Variants in FOXI3 observed in about 807,000 individuals in gnomAD.
The protein encoded by FOXI3 is forkhead box I3.
Under a neutral mutation model 15.6 loss-of-function variants are expected in FOXI3, and 4 were observed. The observed-to-expected ratio is 0.26, with a 90% CI of 0.13 to 0.59. FOXI3 has a LOEUF of 0.59. FOXI3 is among the 20% of genes least tolerant of loss of function. The pLI is 0.90. For missense variants in FOXI3, 489 were observed against 548.2 expected (o/e 0.89, Z 1.08); for synonymous variants, 238 against 244.4 (o/e 0.97, Z 0.25).
chr2:88,452,569 G>A lies in FOXI3; in HGVS notation c.-34C>T. The A allele has an allele frequency of 9.4e-7, 1 of 1,063,892 alleles. No individual in the cohort carries two copies. Among genetic ancestry groups the A allele is most frequent in the Non-Finnish European group, 1.1e-6 (1 of 880,078 alleles). 65.9% of individuals were successfully genotyped at this position (1,063,892 alleles called of 1,614,324 possible). The stretch of plus-strand genomic sequence containing the variant: ...CCGTGGGCGGCTGCGGCGCGGCCGC[G>A]GCGAGGGGCGAGCGGGGCTGGTCTC... On this transcript the variant is annotated 5_prime_UTR_variant, in exon 1 of 2. Coordinates refer to ENST00000428390, the MANE Select transcript of FOXI3 (RefSeq NM_001135649.3).
intron 1 of FOXI3, among the ~76,000 whole-genome samples, chr2:88,449,423 C>A (rs540655416): frequency 1.3e-5 from 2 of 152,304 alleles, no homozygotes; most frequent in South Asian, 2.1e-4. Context: ...AAATGCCCCA[C>A]CAGACAAAGG....
Position 88,452,376 on chromosome 2 carries a change from G to A in FOXI3, c.160C>T (p.Leu54=), listed in dbSNP as rs2104264590. 3 of 988,942 alleles carry A rather than the reference G, an allele frequency of 3.0e-6. No homozygotes were observed. The highest frequency in any genetic ancestry group is 3.6e-6 in the Non-Finnish European group (3 of 833,968). The allele number at this position is 988,942 out of a possible 1,614,324, so 61.3% of individuals were successfully genotyped here. ...APPAAAANPY[L]WLNGPGVGGP... Reference sequence around the variant, plus strand: ...CCCACGCCGGGCCCGTTGAGCCACAGGTAGGGGTTGGCGGCGGCGGCCGGC... The same window carrying A: ...CCCACGCCGGGCCCGTTGAGCCACAAGTAGGGGTTGGCGGCGGCGGCCGGC... The change falls in exon 1 of 2, where the codon CTG becomes TTG. Residue 54 remains leucine (L), a synonymous_variant. Transcript: ENST00000428390.
intron 1 of FOXI3, 120 bp downstream of exon 1, chr2:88,451,776 C>A (rs1276232255): frequency 6.9e-7 from 1 of 1,448,302 alleles, no homozygotes; most frequent in Admixed American, 2.2e-5. Context: ...TCCGCTCCCA[C>A]CCGCAGCCTG....
rs1378543440 is a variant in FOXI3 at position 88,452,513 on chromosome 2, T to G, written c.23A>C (p.Asn8Thr). 9.3e-7 allele frequency: 1 copy of G among 1,080,480 alleles called. No homozygotes were observed. Among genetic ancestry groups the G allele is most frequent in the Non-Finnish European group, 1.1e-6 (1 of 892,132 alleles). 66.9% of individuals were successfully genotyped at this position (1,080,480 alleles called of 1,614,324 possible). ...GCCGGGCTGCGAATACACTCCGAAG[T>G]TGTCGCCGCAGTAGAGGGCCATGTC... MALYCGD[N>T]FGVYSQPGLP... is the part of the protein sequence containing the mutation. Residue 8 changes from asparagine (N) to threonine (T), a missense_variant, in exon 1 of 2, where the codon AAC becomes ACC. Asn to Thr is a moderately conservative substitution (Grantham distance 65). Coordinates refer to ENST00000428390, the MANE Select transcript of FOXI3 (RefSeq NM_001135649.3).
At chr2:88,449,778 G>A (rs1426673375) in intron 1 of FOXI3, among the ~76,000 whole-genome samples, 1 of 152,130 alleles carries the variant, frequency 6.6e-6, no homozygotes, top group Non-Finnish European at 1.5e-5. Context: ...CTTGTGGTAA[G>A]TGCTTTACAC....
chr2:88,448,115 G>T lies in FOXI3; in HGVS notation c.*92C>A. On this transcript the variant is annotated 3_prime_UTR_variant, in exon 2 of 2. Coordinates refer to ENST00000428390, the MANE Select transcript of FOXI3 (RefSeq NM_001135649.3). Reference sequence around the variant, plus strand: ...GAACTCGACAGAAACGCAGAACTCAGGTCCTACCCCAGACCTACTGACTTG... The same window carrying T: ...GAACTCGACAGAAACGCAGAACTCATGTCCTACCCCAGACCTACTGACTTG... 8.4e-7 allele frequency: 1 copy of T among 1,188,094 alleles called. No individual in the cohort carries two copies. The highest frequency in any genetic ancestry group is 1.2e-6 in the Non-Finnish European group (1 of 852,394). The allele number at this position is 1,188,094 out of a possible 1,614,324, so 73.6% of individuals were successfully genotyped here.
At chr2:88,448,899 G>A in intron 1 of FOXI3, 70 bp from the exon 2 acceptor site, 2 of 1,459,896 alleles carry the variant, frequency 1.4e-6, no homozygotes, top group Non-Finnish European at 1.8e-6. Context: ...TTCATTTCTG[G>A]GAGGAGAGCA....
In FOXI3 at chr2:88,452,383, G is replaced by A. The variant is rs1260175299; in HGVS notation, c.153C>T (p.Asn51=). Residue 51 remains asparagine (N), a synonymous_variant, in exon 1 of 2, where the codon AAC becomes AAT. Transcript: ENST00000428390. ...DYAAPPAAAA[N]PYLWLNGPGV... ...CGGGCCCGTTGAGCCACAGGTAGGG[G>A]TTGGCGGCGGCGGCCGGCGGCGCGG... 3 of 990,230 alleles carry A rather than the reference G, an allele frequency of 3.0e-6. No individual in the cohort carries two copies. Among genetic ancestry groups the A allele is most frequent in the Non-Finnish European group, 3.6e-6 (3 of 834,856 alleles). 61.3% of individuals were successfully genotyped at this position (990,230 alleles called of 1,614,324 possible).
chr2:88,451,850 C>A, intron 1 of FOXI3, 46 bp downstream of exon 1: 1 of 1,583,082 alleles, frequency 6.3e-7, no homozygotes, highest in Non-Finnish European at 8.6e-7. Context: ...CCTTGCGACC[C>A]GCGTCCGCCC....
chr2:88,448,525 G>T lies in FOXI3; in HGVS notation c.945C>A (p.Phe315Leu). 6.4e-7 allele frequency: 1 copy of T among 1,551,688 alleles called. No homozygotes were observed. Among genetic ancestry groups the T allele is most frequent in the Non-Finnish European group, 8.7e-7 (1 of 1,146,998 alleles). ...MLTSTPCLNT[F>L]FSSLSSLSVS... ...CACTCAAGGAGCTGAGGCTGCTGAA[G>T]AAAGTGTTGAGACAAGGGGTGGAGG... Residue 315 changes from phenylalanine to leucine, a missense_variant, in exon 2 of 2, where the codon TTC becomes TTA. Physicochemically the swap from Phe to Leu is conservative, Grantham distance 22. Transcript: ENST00000428390.
intron 1 of FOXI3, among the ~76,000 whole-genome samples, chr2:88,450,478 C>T (rs1425431198): frequency 1.3e-5 from 2 of 151,540 alleles, no homozygotes; most frequent in African/African-American, 2.4e-5. Flanking sequence ...GCTAAGCCGC[C>T]TCCACTTGAA....
Position 88,448,730 on chromosome 2 carries a change from C to G in FOXI3, c.740G>C (p.Gly247Ala), listed in dbSNP as rs1326862853. The G allele has an allele frequency of 1.3e-6, 2 of 1,551,834 alleles. No individual in the cohort carries two copies. Among genetic ancestry groups the G allele is most frequent in the African/African-American group, 1.4e-5 (1 of 73,052 alleles). The change falls in exon 2 of 2, where the codon GGC becomes GCC. Residue 247 changes from glycine (G) to alanine (A), a missense_variant. This residue lies in a region of FOXI3 where 263 missense variants were observed against 285.5 expected (regional missense o/e 0.92). Transcript: ENST00000428390. Reference protein sequence around the residue: ...KRKRRSEASNGSTVAAGTSKS... With the variant: ...KRKRRSEASNASTVAAGTSKS... Reference sequence around the variant, plus strand: ...TGATGTCCCAGCAGCCACTGTGGAGCCATTGCTGGCCTCAGAGCGGCGCTT... The same window carrying G: ...TGATGTCCCAGCAGCCACTGTGGAGGCATTGCTGGCCTCAGAGCGGCGCTT...
In FOXI3 at chr2:88,448,536, G is replaced by C. The variant is rs1420680493; in HGVS notation, c.934C>G (p.Leu312Val). The change falls in exon 2 of 2, where the codon CTC becomes GTC. Residue 312 changes from leucine (L) to valine (V), a missense_variant. Leu to Val is a conservative substitution (Grantham distance 32). This residue lies in a region of FOXI3 where 263 missense variants were observed against 285.5 expected (regional missense o/e 0.92). Transcript: ENST00000428390. ...CTGAGGCTGCTGAAGAAAGTGTTGA[G>C]ACAAGGGGTGGAGGTGAGCATGGGT... Reference protein sequence around the residue: ...GGPMLTSTPCLNTFFSSLSSL... With the variant: ...GGPMLTSTPCVNTFFSSLSSL... 1 of 1,551,570 alleles carries C rather than the reference G, an allele frequency of 6.4e-7. No individual in the cohort carries two copies. The highest frequency in any genetic ancestry group is 8.7e-7 in the Non-Finnish European group (1 of 1,147,008).
Position 88,448,342 on chromosome 2 carries a change from G to A in FOXI3, c.1128C>T (p.Thr376=), listed in dbSNP as rs781657540. The A allele has an allele frequency of 2.3e-5, 36 of 1,551,496 alleles. No homozygotes were observed. Among genetic ancestry groups the A allele is most frequent in the South Asian group, 4.8e-5 (4 of 84,030 alleles). Residue 376 remains threonine, a synonymous_variant, in exon 2 of 2, where the codon ACC becomes ACT. Coordinates refer to ENST00000428390, the MANE Select transcript of FOXI3 (RefSeq NM_001135649.3). Reference sequence around the variant, plus strand: ...GGCTGTAATAGGAAGATCTCTGGCCGGTGCTATTGCTGGTGCTATTGCTCA... The same window carrying A: ...GGCTGTAATAGGAAGATCTCTGGCCAGTGCTATTGCTGGTGCTATTGCTCA... ...LQLSNSTSNS[T]GQRSSYYSPF... is the part of the protein sequence containing the mutation.
At position 88,452,198 on chromosome 2, in the gene FOXI3, G is replaced by C. The variant is rs1429248333; in HGVS notation, c.338C>G (p.Ala113Gly). 8.3e-7 allele frequency: 1 copy of C among 1,197,856 alleles called. No individual in the cohort carries two copies. Among genetic ancestry groups the C allele is most frequent in the Non-Finnish European group, 1.0e-6 (1 of 970,192 alleles). 74.2% of individuals were successfully genotyped at this position (1,197,856 alleles called of 1,614,324 possible). A position where few individuals can be genotyped will look rare whatever the true frequency, so the allele number is the denominator to read the frequency against. The change falls in exon 1 of 2, where the codon GCG (alanine) becomes GGG (glycine). Residue 113 changes from alanine to glycine, a missense_variant. By Grantham distance (60) the Ala-to-Gly change is moderately conservative. Around this residue, in one of 3 missense-constraint regions of FOXI3, gnomAD observed 224 missense variants for 245.7 expected, o/e 0.91. Coordinates refer to ENST00000428390, the MANE Select transcript of FOXI3 (RefSeq NM_001135649.3). Reference protein sequence around the residue: ...GCSQRPFAQPAPAAPASPAAP... With the variant: ...GCSQRPFAQPGPAAPASPAAP... ...GGCGGGCGAGGCGGGCGCGGCGGGCGCGGGCTGCGCGAAGGGCCGCTGAGA... is the reference window on the plus strand; with the variant it reads ...GGCGGGCGAGGCGGGCGCGGCGGGCCCGGGCTGCGCGAAGGGCCGCTGAGA...
chr2:88,452,365 G>T lies in FOXI3; in HGVS notation c.171C>A (p.Asn57Lys). The change falls in exon 1 of 2, where the codon AAC becomes AAA. Residue 57 changes from asparagine to lysine, a missense_variant. By Grantham distance (94) the Asn-to-Lys change is moderately conservative. Transcript: ENST00000428390. ...AGGGCGGGCCTCCCACGCCGGGCCC[G>T]TTGAGCCACAGGTAGGGGTTGGCGG... ...AAAANPYLWL[N>K]GPGVGGPPSA... 1 of 986,948 alleles carries T rather than the reference G, an allele frequency of 1.0e-6. No homozygotes were observed. The highest frequency in any genetic ancestry group is 1.2e-6 in the Non-Finnish European group (1 of 832,630). The allele number at this position is 986,948 out of a possible 1,614,324, so 61.1% of individuals were successfully genotyped here.
At position 88,448,096 on chromosome 2, in the gene FOXI3, G is replaced by C. The variant is rs181615935; in HGVS notation, c.*111C>G. On this transcript the variant is annotated 3_prime_UTR_variant, in exon 2 of 2. Transcript: ENST00000428390. Reference sequence around the variant, plus strand: ...GGACCACGAGATCACCCAGGAACTCGACAGAAACGCAGAACTCAGGTCCTA... The same window carrying C: ...GGACCACGAGATCACCCAGGAACTCCACAGAAACGCAGAACTCAGGTCCTA... The C allele has an allele frequency of 3.1e-6, 3 of 974,806 alleles. No individual in the cohort carries two copies. Among genetic ancestry groups the C allele is most frequent in the Non-Finnish European group, 3.0e-6 (2 of 666,778 alleles). 60.4% of individuals were successfully genotyped at this position (974,806 alleles called of 1,614,324 possible). A position where few individuals can be genotyped will look rare whatever the true frequency, so the allele number is the denominator to read the frequency against.
intron 1 of FOXI3, among the ~76,000 whole-genome samples, chr2:88,449,963 T>C (rs906246704): frequency 6.6e-6 from 1 of 151,892 alleles, no homozygotes; most frequent in Admixed American, 6.6e-5. Flanking sequence ...AAAAAAAAAA[T>C]TATTTATTTA....
At position 88,452,622 on chromosome 2, in the gene FOXI3, G is replaced by A; in HGVS notation, c.-87C>T. The A allele has an allele frequency of 1.2e-6, 1 of 848,654 alleles. No individual in the cohort carries two copies. Among genetic ancestry groups the A allele is most frequent in the Non-Finnish European group, 1.4e-6 (1 of 693,102 alleles). 52.6% of individuals were successfully genotyped at this position (848,654 alleles called of 1,614,324 possible). ...CGCTCGGGCGAGAGCATCCCTTTGG[G>A]GGCCAACCCTGCGGCTCCGCCTTCA... On this transcript the variant is annotated 5_prime_UTR_variant, in exon 1 of 2. Coordinates refer to ENST00000428390, the MANE Select transcript of FOXI3 (RefSeq NM_001135649.3).
Sources: gnomAD v4.1 joint callset for allele counts (sites outside exome capture counted in the v4.1 genomes callset) on GRCh38, gnomAD v4.1.1 for gene constraint, gnomAD v4.1.1 regional missense constraint, MANE v1.5 for transcripts, NCBI Gene and HGNC (gene_info 2026-07-23, HGNC 2026-07-21) for gene names.